Variants in PIEZO2 observed in about 807,000 individuals in gnomAD.
The protein encoded by PIEZO2 is piezo-type mechanosensitive ion channel component 2.
A neutral mutation model predicts 337.3 loss-of-function variants in PIEZO2; 172 were observed. The observed-to-expected ratio is 0.51, with a 90% CI of 0.45 to 0.58. The LOEUF is 0.58. Among genes scored for constraint, PIEZO2 ranks in the 20% least tolerant of loss-of-function variants. The probability of loss-of-function intolerance (pLI) is 0.00; values close to 1 mark genes in which losing one functional copy is unlikely to be tolerated. For synonymous variants in PIEZO2, 1,251 were observed against 1,228.5 expected, an observed-to-expected ratio of 1.02 and a Z score of -0.38; for missense variants, 3,028 against 3,391.3, an observed-to-expected ratio of 0.89 and a Z score of 2.66.
rs2042998285 is a variant in PIEZO2 at position 10,899,827 on chromosome 18, C to T, written c.329+11359G>A. ...ACACCTCTGACTTTCCTAGAACAGT[C>T]AAGGTAATGACCTGGGAATTCAGTT... is the stretch of plus-strand genomic sequence containing the variant. On this transcript the variant is annotated intron_variant, in intron 4 of 55. Coordinates refer to ENST00000674853, the MANE Select transcript of PIEZO2 (RefSeq NM_001378183.1). This position sits in a 1 kb window ranked among gnomAD's most constrained non-coding sequence, Gnocchi z 4.6. Among the ~76,000 whole-genome samples the T allele has an allele frequency of 6.6e-6, 1 of 152,120 alleles. No individual in the cohort carries two copies. Among genetic ancestry groups the T allele is most frequent in the Admixed American group, 6.6e-5 (1 of 15,256 alleles).
intron 1 of PIEZO2, among the ~76,000 whole-genome samples, chr18:11,068,422 A>C (rs1232102044): frequency 1.3e-5 from 2 of 152,220 alleles, no homozygotes; most frequent in Non-Finnish European, 2.9e-5. Flanking sequence ...ACACGCTCCT[A>C]AACAGTCAAT....
At chr18:11,029,025 C>T (rs541454698) in intron 2 of PIEZO2, among the ~76,000 whole-genome samples, 11 of 152,248 alleles carry the variant, frequency 7.2e-5, no homozygotes, top group South Asian at 6.2e-4. Flanking sequence ...ACATCATGTT[C>T]GCTGTAAACA....
At chr18:10,951,538 G>T (rs1048500334) in intron 3 of PIEZO2, among the ~76,000 whole-genome samples, 1 of 152,148 alleles carries the variant, frequency 6.6e-6, no homozygotes, top group African/African-American at 2.4e-5. Context: ...CATCTGCTGT[G>T]TTGCCACCAC....
chr18:10,828,048 T>C lies in PIEZO2; in HGVS notation c.918-20774A>G, dbSNP rs900392696. The stretch of plus-strand genomic sequence containing the variant: ...TATAAGCAAAAGATGAATAAACATA[T>C]AAACTATTGCAACCCCAAGGCAAAC... On this transcript the variant is annotated intron_variant, in intron 7 of 55. Transcript: ENST00000674853. This position sits in a 1 kb window ranked among gnomAD's most constrained non-coding sequence, Gnocchi z 4.1. Among the ~76,000 whole-genome samples the C allele has an allele frequency of 1.3e-5, 2 of 151,948 alleles. No homozygotes were observed. The highest frequency in any genetic ancestry group is 2.4e-5 in the African/African-American group (1 of 41,392).
At position 10,953,574 on chromosome 18, in the gene PIEZO2, CT is replaced by C. The variant is rs1324621280; in HGVS notation, c.286+25960del. 1.3e-5 allele frequency among the ~76,000 whole-genome samples: 2 copies of C among 152,046 alleles called. No individual in the cohort carries two copies. Among genetic ancestry groups the C allele is most frequent in the African/African-American group, 4.8e-5 (2 of 41,382 alleles). ...ATACATGTGGGTCTATTTCTGTACT[CT>C]TTTTTTCCTTCACCAATAGCAAACT... is the stretch of plus-strand genomic sequence containing the variant. On this transcript the variant is annotated intron_variant, in intron 3 of 55. Coordinates refer to ENST00000674853, the MANE Select transcript of PIEZO2 (RefSeq NM_001378183.1). This position sits in a 1 kb window ranked among gnomAD's most constrained non-coding sequence, Gnocchi z 5.2.
At chr18:10,947,192 A>C (rs1044863572) in intron 3 of PIEZO2, among the ~76,000 whole-genome samples, 2 of 152,194 alleles carry the variant, frequency 1.3e-5, no homozygotes, top group East Asian at 3.8e-4. Flanking sequence ...ATAAACTAAA[A>C]TAAATAAATG....
Position 10,813,103 on chromosome 18 carries a change from C to T in PIEZO2, c.918-5829G>A, listed in dbSNP as rs1043542620. On this transcript the variant is annotated intron_variant, in intron 7 of 55. Coordinates refer to ENST00000674853, the MANE Select transcript of PIEZO2 (RefSeq NM_001378183.1). The surrounding 1 kb of genome is among the most constrained non-coding windows in gnomAD (Gnocchi z 4.2). ...CAAGTGATTCTCCTGCCTCAGCCTC[C>T]GGAGTATCTAGGATTACAGGCACGC... Among the ~76,000 whole-genome samples the T allele has an allele frequency of 2.0e-5, 3 of 151,936 alleles. No homozygotes were observed. The highest frequency in any genetic ancestry group is 6.6e-5 in the Admixed American group (1 of 15,254).
In PIEZO2 at chr18:11,116,166, C is replaced by A. The variant is rs2039881276; in HGVS notation, c.64+32359G>T. 1.3e-5 allele frequency among the ~76,000 whole-genome samples: 2 copies of A among 152,242 alleles called. No homozygotes were observed. The highest frequency in any genetic ancestry group is 1.3e-4 in the Admixed American group (2 of 15,296). The stretch of plus-strand genomic sequence containing the variant: ...ACATTCTTCATAAAAGATTTTAGGA[C>A]AATTATGCAAATAAAAACATGGCCA... On this transcript the variant is annotated intron_variant, in intron 1 of 55. Transcript: ENST00000674853. This position sits in a 1 kb window ranked among gnomAD's most constrained non-coding sequence, Gnocchi z 5.0.
At position 10,863,119 on chromosome 18, in the gene PIEZO2, C is replaced by A. The variant is rs997273858; in HGVS notation, c.493-5908G>T. On this transcript the variant is annotated intron_variant, in intron 5 of 55. Coordinates refer to ENST00000674853, the MANE Select transcript of PIEZO2 (RefSeq NM_001378183.1). This position sits in a 1 kb window ranked among gnomAD's most constrained non-coding sequence, Gnocchi z 4.3. Reference sequence around the variant, plus strand: ...AAGGAGCATTTTTCTGAAGTGTCATCAATTGTTTATTCATTGTTTATTATT... The same window carrying A: ...AAGGAGCATTTTTCTGAAGTGTCATAAATTGTTTATTCATTGTTTATTATT... Among the ~76,000 whole-genome samples, 1 of 152,096 alleles carries A rather than the reference C, an allele frequency of 6.6e-6. No individual in the cohort carries two copies. The highest frequency in any genetic ancestry group is 2.4e-5 in the African/African-American group (1 of 41,402).
rs2039509321 is a variant in PIEZO2 at position 10,794,458 on chromosome 18, T to C, written c.1758+314A>G. On this transcript the variant is annotated intron_variant, in intron 13 of 55. Coordinates refer to ENST00000674853, the MANE Select transcript of PIEZO2 (RefSeq NM_001378183.1). This position sits in a 1 kb window ranked among gnomAD's most constrained non-coding sequence, Gnocchi z 6.6. The stretch of plus-strand genomic sequence containing the variant: ...TATAATCCCTTAACACATTTTGCAC[T>C]GTATTTTCCTATTTTCACACCTAAT... 6.6e-6 allele frequency among the ~76,000 whole-genome samples: 1 copy of C among 152,200 alleles called. No homozygotes were observed. The highest frequency in any genetic ancestry group is 1.5e-5 in the Non-Finnish European group (1 of 68,032).
At chr18:10,786,892 A>G in intron 16 of PIEZO2, 144 bp downstream of exon 16, 1 of 815,520 alleles carries the variant, frequency 1.2e-6, no homozygotes. Context: ...GAACACAAAA[A>G]CGACTCAGTT....
At chr18:10,956,987 G>C (rs925221190) in intron 3 of PIEZO2, among the ~76,000 whole-genome samples, 5 of 103,854 alleles carry the variant, frequency 4.8e-5, no homozygotes, top group Non-Finnish European at 8.5e-5. Context: ...AAAAAAAAAA[G>C]AAATCATCCA....
At chr18:11,059,330 A>G (rs1223942739) in intron 2 of PIEZO2, among the ~76,000 whole-genome samples, 1 of 152,252 alleles carries the variant, frequency 6.6e-6, no homozygotes, top group Non-Finnish European at 1.5e-5. Flanking sequence ...CATCGATGCT[A>G]GAAAGAAACT....
intron 4 of PIEZO2, chr18:10,893,678 C>T (rs192046749): frequency 2.0e-4 from 31 of 152,198 alleles, no homozygotes; most frequent in African/African-American, 7.2e-4. Flanking sequence ...CTATAAGGTA[C>T]GTTTTTAACA....
rs567029123 is a variant in PIEZO2 at position 10,954,623 on chromosome 18, G to A, written c.286+24912C>T. ...GAGAAGAAGAGGGAGGAGGGGAAGG[G>A]AGAAGAAAAAGGGCTGAGCTAGAGT... is the stretch of plus-strand genomic sequence containing the variant. On this transcript the variant is annotated intron_variant, in intron 3 of 55. Coordinates refer to ENST00000674853, the MANE Select transcript of PIEZO2 (RefSeq NM_001378183.1). The surrounding 1 kb of genome is among the most constrained non-coding windows in gnomAD (Gnocchi z 4.2). 6.6e-5 allele frequency among the ~76,000 whole-genome samples: 10 copies of A among 152,222 alleles called. No individual in the cohort carries two copies. In the South Asian group the frequency reaches 2.1e-3, roughly 32 times the overall value.
At chr18:10,934,635 ACGTGTGTG>A (rs897889121) in intron 3 of PIEZO2, among the ~76,000 whole-genome samples, 1 of 64,438 alleles carries the variant, frequency 1.6e-5, no homozygotes, top group Non-Finnish European at 3.1e-5. Context: ...TATTGTGTGT[ACGTGTGTG>A]TGTGTGTGTG....
intron 1 of PIEZO2, among the ~76,000 whole-genome samples, chr18:11,098,266 C>A (rs191119232): frequency 0.014 from 1,730 of 124,698 alleles, 33 homozygotes; most frequent in African/African-American, 0.05. Context: ...CACACACACA[C>A]ACACACACGA....
Position 10,673,016 on chromosome 18 carries a change from C to T in PIEZO2, c.8162-143G>A, listed in dbSNP as rs780939580. 24 of 661,384 alleles carry T rather than the reference C, an allele frequency of 3.6e-5. No homozygotes were observed. The highest frequency in any genetic ancestry group is 5.5e-5 in the Non-Finnish European group (22 of 401,058). The allele number at this position is 661,384 out of a possible 1,614,324, so 41.0% of individuals were successfully genotyped here. On this transcript the variant is annotated intron_variant, in intron 54 of 55. Coordinates refer to ENST00000674853, the MANE Select transcript of PIEZO2 (RefSeq NM_001378183.1). The surrounding 1 kb of genome is among the most constrained non-coding windows in gnomAD (Gnocchi z 4.8). ...AAAGGATGCATGGACATACTAGAAGCGTGAATGGGCAAGGAAGAGAGGGCC... is the reference window on the plus strand; with the variant it reads ...AAAGGATGCATGGACATACTAGAAGTGTGAATGGGCAAGGAAGAGAGGGCC...
At position 10,813,073 on chromosome 18, in the gene PIEZO2, C is replaced by A. The variant is rs558783454; in HGVS notation, c.918-5799G>T. Among the ~76,000 whole-genome samples, 16 of 151,920 alleles carry A rather than the reference C, an allele frequency of 1.1e-4. No individual in the cohort carries two copies. Among genetic ancestry groups the A allele is most frequent in the Admixed American group, 3.3e-4 (5 of 15,252 alleles). On this transcript the variant is annotated intron_variant, in intron 7 of 55. Coordinates refer to ENST00000674853, the MANE Select transcript of PIEZO2 (RefSeq NM_001378183.1). This position sits in a 1 kb window ranked among gnomAD's most constrained non-coding sequence, Gnocchi z 4.2. ...CTGCTCACTGCAACCTCTGCCTCCC[C>A]GGCTCAAGTGATTCTCCTGCCTCAG...
Sources: gnomAD v4.1 joint callset for allele counts (sites outside exome capture counted in the v4.1 genomes callset) on GRCh38, gnomAD v4.1.1 for gene constraint, Gnocchi (gnomAD v3.1) non-coding constraint, MANE v1.5 for transcripts, NCBI Gene and HGNC (gene_info 2026-07-23, HGNC 2026-07-21) for gene names.